Variants in NRG3 observed in about 807,000 individuals in gnomAD.
The protein encoded by NRG3 is pro-neuregulin-3, membrane-bound isoform.
In NRG3, 31 loss-of-function variants were observed where a neutral mutation model predicts 66.9. That is an observed-to-expected ratio of 0.46 (90% CI 0.35 to 0.63). The LOEUF is 0.63. Ranked by LOEUF, NRG3 falls within the 20% of genes least tolerant of loss-of-function variation. The pLI is 0.00. For missense variants in NRG3, 910 were observed against 878.9 expected (o/e 1.04, Z -0.45); for synonymous variants, 393 against 359.4 (o/e 1.09, Z -1.06).
At chr10:82,392,296 G>A (rs1350443343) in intron 2 of NRG3, among the ~76,000 whole-genome samples, 1 of 152,176 alleles carries the variant, frequency 6.6e-6, no homozygotes. Flanking sequence ...ATTCAATACA[G>A]GGTATGCTGT....
chr10:82,733,420 A>T (rs745847485), intron 2 of NRG3, among the ~76,000 whole-genome samples: 3 of 152,204 alleles, frequency 2.0e-5, no homozygotes, highest in Non-Finnish European at 4.4e-5. Flanking sequence ...AAGATATTAA[A>T]TAATTTTCCT....
chr10:82,434,675 A>G (rs572723181), intron 2 of NRG3, among the ~76,000 whole-genome samples: 1 of 152,296 alleles, frequency 6.6e-6, no homozygotes, highest in South Asian at 2.1e-4. Context: ...GAATTTTATC[A>G]GAGGCTTTTT....
intron 1 of NRG3, among the ~76,000 whole-genome samples, chr10:82,112,878 T>TCC (rs2067471761): frequency 7.2e-5 from 11 of 152,240 alleles, no homozygotes; most frequent in Admixed American, 6.5e-4. Flanking sequence ...AGACAAGCTG[T>TCC]AATGGCTATT....
chr10:82,817,084 C>T (rs1056998657), intron 3 of NRG3, among the ~76,000 whole-genome samples: 7 of 152,200 alleles, frequency 4.6e-5, no homozygotes, highest in African/African-American at 1.7e-4. Flanking sequence ...CTTTTCCACG[C>T]TGCTGAAAAG....
chr10:82,050,785 C>G (rs77690033), intron 1 of NRG3, among the ~76,000 whole-genome samples: 2,817 of 152,006 alleles, frequency 0.019, 89 homozygotes, highest in African/African-American at 0.064. Flanking sequence ...CTTGCTTCCT[C>G]TCAGACTCCT....
intron 2 of NRG3, among the ~76,000 whole-genome samples, chr10:82,702,907 AAAGTT>A (rs1466542431): frequency 1.3e-5 from 2 of 152,126 alleles, no homozygotes; most frequent in African/African-American, 4.8e-5. Context: ...AACCGAGAAA[AAAGTT>A]AAGAAAAATG....
At chr10:82,528,548 A>T (rs1846943924) in intron 2 of NRG3, among the ~76,000 whole-genome samples, 1 of 152,136 alleles carries the variant, frequency 6.6e-6, no homozygotes, top group Non-Finnish European at 1.5e-5. Flanking sequence ...ACCTTTAAAT[A>T]AAAGACTCCT....
At chr10:82,975,055 T>G (rs1592141792) in intron 7 of NRG3, among the ~76,000 whole-genome samples, 3 of 152,222 alleles carry the variant, frequency 2.0e-5, no homozygotes, top group Admixed American at 2.0e-4. Flanking sequence ...GATTGAAATA[T>G]GTTTGGCTCT....
chr10:82,185,212 GA>G (rs540754831), intron 1 of NRG3, among the ~76,000 whole-genome samples: 23 of 151,948 alleles, frequency 1.5e-4, no homozygotes, highest in South Asian at 2.1e-4. Context: ...GGAAACAAAA[GA>G]AAAAAAATTC....
intron 2 of NRG3, among the ~76,000 whole-genome samples, chr10:82,620,339 C>T (rs190366563): frequency 5.1e-4 from 77 of 152,170 alleles, no homozygotes; most frequent in African/African-American, 1.7e-3. Flanking sequence ...TGAGGTTGCA[C>T]GGACACTTGA....
chr10:82,815,090 G>T (rs1222539845), intron 3 of NRG3, among the ~76,000 whole-genome samples: 1 of 152,214 alleles, frequency 6.6e-6, no homozygotes, highest in Non-Finnish European at 1.5e-5. Flanking sequence ...CTGGTTTAAA[G>T]AAGTATCTTC....
intron 1 of NRG3, among the ~76,000 whole-genome samples, chr10:82,203,621 A>G (rs900552198): frequency 6.6e-6 from 1 of 152,206 alleles, no homozygotes; most frequent in Non-Finnish European, 1.5e-5. Context: ...AAACTATCAT[A>G]AGACATATAA....
At position 82,738,660 on chromosome 10, in the gene NRG3, G is replaced by A; in HGVS notation, c.1027+10G>A. 6.2e-7 allele frequency: 1 copy of A among 1,612,590 alleles called. No individual in the cohort carries two copies. The highest frequency in any genetic ancestry group is 8.5e-7 in the Non-Finnish European group (1 of 1,178,658). ...ATCTTATCGGATCCAAGTAGGTCAA[G>A]CATTTTTCTTCTCTCTAATGCAATA... is the stretch of plus-strand genomic sequence containing the variant. On this transcript the variant is annotated intron_variant, in intron 3 of 8. Transcript: ENST00000372141.
chr10:82,815,777 G>A (rs550020572), intron 3 of NRG3, among the ~76,000 whole-genome samples: 8 of 152,228 alleles, frequency 5.3e-5, no homozygotes, highest in South Asian at 2.1e-4. Flanking sequence ...GGCTGCACTC[G>A]GCTCATGCTA....
chr10:81,995,844 ATTG>A lies in NRG3; in HGVS notation c.823+119684_823+119686del, dbSNP rs368684450. On this transcript the variant is annotated intron_variant, in intron 1 of 8. Transcript: ENST00000372141. Reference sequence around the variant, plus strand: ...ACCTTTTCTAGATACAGACCTTGATATTGTTTGTTTTGTTTTGTTTTGTTTGTT... The same window carrying A: ...ACCTTTTCTAGATACAGACCTTGATATTTGTTTTGTTTTGTTTTGTTTGTT... Among the ~76,000 whole-genome samples, 288 of 152,036 alleles carry A rather than the reference ATTG, an allele frequency of 1.9e-3. 4 individuals carry two copies. The highest frequency in any genetic ancestry group is 5.8e-3 in the African/African-American group (241 of 41,472).
At position 82,985,570 on chromosome 10, in the gene NRG3, A is replaced by C. The variant is rs1853373897; in HGVS notation, c.2056A>C (p.Asn686His). Residue 686 changes from asparagine (N) to histidine (H), a missense_variant, in exon 9 of 9, where the codon AAT becomes CAT. Physicochemically the swap from Asn to His is moderately conservative, Grantham distance 68. Coordinates refer to ENST00000372141, the MANE Select transcript of NRG3 (RefSeq NM_001010848.4). ...ACGAGAGGCGCAATTTGTCTTAAGAAATGAAATACAAAGAGACTCTGCATT... is the reference window on the plus strand; with the variant it reads ...ACGAGAGGCGCAATTTGTCTTAAGACATGAAATACAAAGAGACTCTGCATT... ...SEREAQFVLR[N>H]EIQRDSALTK The C allele has an allele frequency of 6.2e-7, 1 of 1,613,414 alleles. No individual in the cohort carries two copies. Among genetic ancestry groups the C allele is most frequent in the Non-Finnish European group, 8.5e-7 (1 of 1,179,972 alleles).
At chr10:82,273,430 A>G (rs533703817) in intron 1 of NRG3, among the ~76,000 whole-genome samples, 5 of 152,202 alleles carry the variant, frequency 3.3e-5, no homozygotes, top group African/African-American at 1.2e-4. Context: ...GTTTTCTTAA[A>G]TAGTTACATT....
At chr10:82,334,136 CA>C (rs34320765) in intron 1 of NRG3, among the ~76,000 whole-genome samples, 2,814 of 89,878 alleles carry the variant, frequency 0.031, 26 homozygotes, top group South Asian at 0.056. Context: ...CATGGCGTCT[CA>C]AAAAAAAAAA....
chr10:82,599,285 T>G lies in NRG3; in HGVS notation c.954-139292T>G, dbSNP rs549994407. ...TTCATTTTAATATTAGAAAAATAGG[T>G]AGAGATAAATGCAAGTTGGTGGAAC... On this transcript the variant is annotated intron_variant, in intron 2 of 8. Transcript: ENST00000372141. 6.6e-5 allele frequency among the ~76,000 whole-genome samples: 10 copies of G among 152,050 alleles called. No individual in the cohort carries two copies. In the South Asian group the frequency reaches 1.9e-3, roughly 28 times the overall value.
Sources: gnomAD v4.1 joint callset for allele counts (sites outside exome capture counted in the v4.1 genomes callset) on GRCh38, gnomAD v4.1.1 for gene constraint, MANE v1.5 for transcripts, NCBI Gene and HGNC (gene_info 2026-07-23, HGNC 2026-07-21) for gene names.